The following ZNF441 variants were observed in gnomAD, a reference collection of about 807,000 sequenced individuals.
The protein encoded by ZNF441 is zinc finger protein 441.
A neutral mutation model predicts 64.5 loss-of-function variants in ZNF441; 25 were observed. The ratio of observed to expected loss-of-function variants is 0.39; its 90% CI spans 0.28 to 0.54. The LOEUF (loss-of-function observed/expected upper bound fraction) is 0.54, where lower values mean the gene tolerates loss of function less well. Ranked by LOEUF, ZNF441 falls within the 20% of genes least tolerant of loss-of-function variation. The pLI, the probability that ZNF441 is intolerant of heterozygous loss-of-function variation, is 0.70. For synonymous variants in ZNF441, 262 were observed against 268.0 expected (o/e 0.98, Z 0.22); for missense variants, 715 against 843.3 (o/e 0.85, Z 1.88).
Position 11,780,503 on chromosome 19 carries a change from G to T in ZNF441, c.679G>T (p.Glu227Ter). Residue 227 changes from glutamate to a stop codon, truncating the protein, a stop_gained, in exon 4 of 4, where the codon GAG (glutamate) becomes TAG (stop). Transcript: ENST00000357901. LOFTEE classifies it high-confidence loss of function. ...THTEEKPYEYEQCSTAFPAYS... is the reference protein window; with the variant it reads ...THTEEKPYEY ...CACTGAAGAGAAACCATATGAATAT[G>T]AGCAGTGTTCTACAGCGTTTCCTGC... 6.2e-7 allele frequency: 1 copy of T among 1,614,062 alleles called. No homozygotes were observed. The highest frequency in any genetic ancestry group is 1.1e-5 in the South Asian group (1 of 91,070).
At chr19:11,777,126 A>G (rs1189572805) in intron 1 of ZNF441, among the ~76,000 whole-genome samples, 1 of 151,996 alleles carries the variant, frequency 6.6e-6, no homozygotes, top group African/African-American at 2.4e-5. Context: ...TGTTTTTTTC[A>G]TGGCTTAGTC....
In ZNF441 at chr19:11,767,066, C is replaced by T; in HGVS notation, c.-128C>T. ...AGAGCCCGCCGAGTCTTCTCCACGCCCCTGCACTGGGCTCCGGGTTCTGTC... is the reference window on the plus strand; with the variant it reads ...AGAGCCCGCCGAGTCTTCTCCACGCTCCTGCACTGGGCTCCGGGTTCTGTC... On this transcript the variant is annotated 5_prime_UTR_variant, in exon 1 of 4. Transcript: ENST00000357901. This position sits in a 1 kb window ranked among gnomAD's most constrained non-coding sequence, Gnocchi z 5.1. The T allele has an allele frequency of 2.8e-6, 4 of 1,414,282 alleles. No individual in the cohort carries two copies. In the South Asian group the frequency reaches 3.8e-5, roughly 13 times the overall value. 87.6% of individuals were successfully genotyped at this position (1,414,282 alleles called of 1,614,324 possible). A position where few individuals can be genotyped will look rare whatever the true frequency, so the allele number is the denominator to read the frequency against.
chr19:11,779,923 G>T, intron 3 of ZNF441, 96 bp from the exon 4 acceptor site: 1 of 1,133,982 alleles, frequency 8.8e-7, no homozygotes, highest in Non-Finnish European at 1.2e-6. Flanking sequence ...AAAAAAAAAA[G>T]AAAAGAAAGA....
At position 11,778,407 on chromosome 19, in the gene ZNF441, A is replaced by C; in HGVS notation, c.194+14A>C. 1 of 1,531,072 alleles carries C rather than the reference A, an allele frequency of 6.5e-7. No individual in the cohort carries two copies. Among genetic ancestry groups the C allele is most frequent in the Non-Finnish European group, 8.8e-7 (1 of 1,135,332 alleles). 94.8% of individuals were successfully genotyped at this position (1,531,072 alleles called of 1,614,324 possible). Reference sequence around the variant, plus strand: ...AAGAAATCTAAGGTAATTTGCACTCACAAGAGAAAGCTGTGTCCTTGAAGT... The same window carrying C: ...AAGAAATCTAAGGTAATTTGCACTCCCAAGAGAAAGCTGTGTCCTTGAAGT... On this transcript the variant is annotated intron_variant, in intron 3 of 3. Coordinates refer to ENST00000357901, the MANE Select transcript of ZNF441 (RefSeq NM_152355.3).
At position 11,781,830 on chromosome 19, in the gene ZNF441, A is replaced by T; in HGVS notation, c.2006A>T (p.Lys669Ile). Residue 669 changes from lysine to isoleucine, a missense_variant, in exon 4 of 4, where the codon AAA (lysine) becomes ATA (isoleucine). This residue lies in a region of ZNF441 where 316 missense variants were observed against 429.3 expected (regional missense o/e 0.74). Transcript: ENST00000357901. The part of the protein sequence containing the change: ...HKHERTHSME[K>I]PYKCKECGEA... ...CATGAAAGGACCCACAGTATGGAGA[A>T]ACCCTATAAGTGTAAAGAATGTGGG... The T allele has an allele frequency of 6.2e-7, 1 of 1,613,900 alleles. No homozygotes were observed. Among genetic ancestry groups the T allele is most frequent in the Non-Finnish European group, 8.5e-7 (1 of 1,179,870 alleles).
In ZNF441 at chr19:11,781,918, A is replaced by G. The variant is rs781016194; in HGVS notation, c.*12A>G. ...AAATGACTCACTAGAGAAAACCCCT[A>G]TGAGTGTTGAACATGTGAGAAAGCC... On this transcript the variant is annotated 3_prime_UTR_variant, in exon 4 of 4. Transcript: ENST00000357901. 1.9e-6 allele frequency: 3 copies of G among 1,559,068 alleles called. No individual in the cohort carries two copies. Among genetic ancestry groups the G allele is most frequent in the Non-Finnish European group, 2.6e-6 (3 of 1,151,534 alleles).
intron 1 of ZNF441, among the ~76,000 whole-genome samples, chr19:11,770,195 G>T (rs567688762): frequency 5.3e-5 from 8 of 152,114 alleles, no homozygotes; most frequent in Non-Finnish European, 1.2e-4. Context: ...GGGGAAGCAG[G>T]CACTTCTTAC....
chr19:11,781,663 A>G lies in ZNF441; in HGVS notation c.1839A>G (p.Lys613=), dbSNP rs1975405268. The change falls in exon 4 of 4, where the codon AAA becomes AAG. Residue 613 remains lysine, a synonymous_variant. Transcript: ENST00000357901. ...ATGAAAGAACTCACACTGGAGAGAAACCCTATGAATGCAAGGAATGTGGTA... is the reference window on the plus strand; with the variant it reads ...ATGAAAGAACTCACACTGGAGAGAAGCCCTATGAATGCAAGGAATGTGGTA... ...QRHERTHTGE[K]PYECKECGKA... 6.2e-7 allele frequency: 1 copy of G among 1,614,050 alleles called. No individual in the cohort carries two copies. Among genetic ancestry groups the G allele is most frequent in the African/African-American group, 1.3e-5 (1 of 74,942 alleles).
At position 11,784,062 on chromosome 19, in the gene ZNF441, A is replaced by T. The variant is rs1046724013; in HGVS notation, c.*2156A>T. The T allele has an allele frequency of 1.3e-5, 2 of 152,180 alleles. No homozygotes were observed. The highest frequency in any genetic ancestry group is 4.8e-5 in the African/African-American group (2 of 41,452). 9.4% of individuals were successfully genotyped at this position (152,180 alleles called of 1,614,324 possible). On this transcript the variant is annotated 3_prime_UTR_variant, in exon 4 of 4. Coordinates refer to ENST00000357901, the MANE Select transcript of ZNF441 (RefSeq NM_152355.3). Reference sequence around the variant, plus strand: ...ATGTATCAATAAAAGAAAATATATAAGATAGTTTTAAAATAACACTATTGT... The same window carrying T: ...ATGTATCAATAAAAGAAAATATATATGATAGTTTTAAAATAACACTATTGT...
chr19:11,769,902 C>G (rs1278021025), intron 1 of ZNF441, among the ~76,000 whole-genome samples: 3 of 152,078 alleles, frequency 2.0e-5, no homozygotes, highest in Non-Finnish European at 4.4e-5. Context: ...TCTCGATCTC[C>G]TGACCTCATG....
At position 11,781,503 on chromosome 19, in the gene ZNF441, G is replaced by A; in HGVS notation, c.1679G>A (p.Gly560Asp). 1 of 1,613,050 alleles carries A rather than the reference G, an allele frequency of 6.2e-7. No individual in the cohort carries two copies. The change falls in exon 4 of 4, where the codon GGT (glycine) becomes GAT (aspartate). Residue 560 changes from glycine to aspartate, a missense_variant. By Grantham distance (94) the Gly-to-Asp change is moderately conservative. Around this residue, in one of 2 missense-constraint regions of ZNF441, gnomAD observed 316 missense variants for 429.3 expected, o/e 0.74. Coordinates refer to ENST00000357901, the MANE Select transcript of ZNF441 (RefSeq NM_152355.3). ...ACTCACACTGGAGAGAAACCCTATG[G>A]TTGTCAGCAATGTGGGAAAGCATTA... ...ERTHTGEKPY[G>D]CQQCGKALSD...
At position 11,783,857 on chromosome 19, in the gene ZNF441, T is replaced by G. The variant is rs1057311772; in HGVS notation, c.*1951T>G. ...TGTTAGAAAGCATACTAGAGTGAAC[T>G]ATAGTTAGCAAAAATATATTGCATA... On this transcript the variant is annotated 3_prime_UTR_variant, in exon 4 of 4. Transcript: ENST00000357901. The G allele has an allele frequency of 6.6e-6, 1 of 152,178 alleles. No homozygotes were observed. Among genetic ancestry groups the G allele is most frequent in the Non-Finnish European group, 1.5e-5 (1 of 68,036 alleles). The allele number at this position is 152,178 out of a possible 1,614,324, so 9.4% of individuals were successfully genotyped here. A position where few individuals can be genotyped will look rare whatever the true frequency, so the allele number is the denominator to read the frequency against.
At position 11,767,959 on chromosome 19, in the gene ZNF441, C is replaced by A. The variant is rs1232876443; in HGVS notation, c.3+763C>A. ...CAGCCTGGCTCGCAGTTCTGTGAAC[C>A]CGGTGAGGAGGCTGCACGGTGATGA... On this transcript the variant is annotated intron_variant, in intron 1 of 3. Coordinates refer to ENST00000357901, the MANE Select transcript of ZNF441 (RefSeq NM_152355.3). The surrounding 1 kb of genome is among the most constrained non-coding windows in gnomAD (Gnocchi z 5.1). Among the ~76,000 whole-genome samples the A allele has an allele frequency of 6.6e-6, 1 of 152,136 alleles. No individual in the cohort carries two copies. The highest frequency in any genetic ancestry group is 1.5e-5 in the Non-Finnish European group (1 of 68,020).
Position 11,781,037 on chromosome 19 carries a change from T to C in ZNF441, c.1213T>C (p.Tyr405His). 2 of 1,614,078 alleles carry C rather than the reference T, an allele frequency of 1.2e-6. No individual in the cohort carries two copies. Among genetic ancestry groups the C allele is most frequent in the Non-Finnish European group, 1.7e-6 (2 of 1,179,990 alleles). ...ECGKAFSDFY[Y>H]FRNHETTHTG... ...TGGGAAAGCCTTTAGTGATTTCTATTACTTTCGAAATCATGAAACTACTCA... is the reference window on the plus strand; with the variant it reads ...TGGGAAAGCCTTTAGTGATTTCTATCACTTTCGAAATCATGAAACTACTCA... The change falls in exon 4 of 4, where the codon TAC becomes CAC. Residue 405 changes from tyrosine to histidine, a missense_variant. Coordinates refer to ENST00000357901, the MANE Select transcript of ZNF441 (RefSeq NM_152355.3).
chr19:11,767,033 A>T lies in ZNF441; in HGVS notation c.-161A>T. 1 of 1,035,428 alleles carries T rather than the reference A, an allele frequency of 9.7e-7. No homozygotes were observed. Among genetic ancestry groups the T allele is most frequent in the Non-Finnish European group, 1.4e-6 (1 of 705,662 alleles). The allele number at this position is 1,035,428 out of a possible 1,614,324, so 64.1% of individuals were successfully genotyped here. A position where few individuals can be genotyped will look rare whatever the true frequency, so the allele number is the denominator to read the frequency against. ...GGCGCACTGACCGGAGGAGGGTGCAAGGTTCAAAGAGCCCGCCGAGTCTTC... is the reference window on the plus strand; with the variant it reads ...GGCGCACTGACCGGAGGAGGGTGCATGGTTCAAAGAGCCCGCCGAGTCTTC... On this transcript the variant is annotated 5_prime_UTR_variant, in exon 1 of 4. It adds an upstream start codon to the 5' untranslated region. Transcript: ENST00000357901. This position sits in a 1 kb window ranked among gnomAD's most constrained non-coding sequence, Gnocchi z 5.1.
In ZNF441 at chr19:11,780,998, T is replaced by C; in HGVS notation, c.1174T>C (p.Tyr392His). 1 of 1,613,830 alleles carries C rather than the reference T, an allele frequency of 6.2e-7. No individual in the cohort carries two copies. Among genetic ancestry groups the C allele is most frequent in the Non-Finnish European group, 8.5e-7 (1 of 1,179,938 alleles). Residue 392 changes from tyrosine (Y) to histidine (H), a missense_variant, in exon 4 of 4, where the codon TAT becomes CAT. Physicochemically the swap from Tyr to His is moderately conservative, Grantham distance 83. Around this residue, in one of 2 missense-constraint regions of ZNF441, gnomAD observed 316 missense variants for 429.3 expected, o/e 0.74. Coordinates refer to ENST00000357901, the MANE Select transcript of ZNF441 (RefSeq NM_152355.3). Reference protein sequence around the residue: ...HETTHTGEKPYKCECGKAFSD... With the variant: ...HETTHTGEKPHKCECGKAFSD... ...AACAACTCATACTGGGGAGAAACCC[T>C]ATAAATGTGAATGTGGGAAAGCCTT...
chr19:11,781,174 A>G lies in ZNF441; in HGVS notation c.1350A>G (p.Lys450=), dbSNP rs766116800. 2.7e-5 allele frequency: 43 copies of G among 1,613,862 alleles called. No homozygotes were observed. Among genetic ancestry groups the G allele is most frequent in the Non-Finnish European group, 3.6e-5 (42 of 1,179,992 alleles). The change falls in exon 4 of 4, where the codon AAA becomes AAG. Residue 450 remains lysine (K), a synonymous_variant. Transcript: ENST00000357901. The part of the protein sequence containing the change: ...IHTGERPYKC[K]QCGKAFRSSN... ...CTGGGGAGAGACCCTATAAATGTAAACAATGCGGAAAAGCCTTCAGGTCTT... is the reference window on the plus strand; with the variant it reads ...CTGGGGAGAGACCCTATAAATGTAAGCAATGCGGAAAAGCCTTCAGGTCTT...
chr19:11,774,772 G>A (rs1975341600), intron 1 of ZNF441, among the ~76,000 whole-genome samples: 2 of 152,062 alleles, frequency 1.3e-5, no homozygotes, highest in South Asian at 4.1e-4. Context: ...CTCAGAGATG[G>A]TTTATCTAAA....
rs988917418 is a variant in ZNF441 at position 11,775,594 on chromosome 19, G to T, written c.4-2017G>T. Reference sequence around the variant, plus strand: ...TCCGCCCACCTCGGCCTCCCAAAGTGCTGGGATTACAGGCATGAGCCACCG... The same window carrying T: ...TCCGCCCACCTCGGCCTCCCAAAGTTCTGGGATTACAGGCATGAGCCACCG... On this transcript the variant is annotated intron_variant, in intron 1 of 3. Transcript: ENST00000357901. 2.7e-5 allele frequency among the ~76,000 whole-genome samples: 4 copies of T among 146,306 alleles called. No individual in the cohort carries two copies. In the East Asian group the frequency reaches 8.0e-4, roughly 29 times the overall value.
Sources: gnomAD v4.1 joint callset for allele counts (sites outside exome capture counted in the v4.1 genomes callset) on GRCh38, gnomAD v4.1.1 for gene constraint, gnomAD v4.1.1 regional missense constraint, Gnocchi (gnomAD v3.1) non-coding constraint, MANE v1.5 for transcripts, NCBI Gene and HGNC (gene_info 2026-07-23, HGNC 2026-07-21) for gene names.